WWOX: variants seen among roughly 807,000 people sequenced by gnomAD.
The protein encoded by WWOX is WW domain containing oxidoreductase.
WWOX carries 69 observed loss-of-function variants against 46.2 expected under a neutral mutation model. That is an observed-to-expected ratio of 1.49 (90% confidence interval 1.23 to 1.82). The LOEUF (loss-of-function observed/expected upper bound fraction) is 1.82, where lower values mean the gene tolerates loss of function less well. WWOX is among the 40% of genes most tolerant of loss of function. WWOX has a pLI of 0.00. For synonymous variants in WWOX, 359 were observed against 202.6 expected, an observed-to-expected ratio of 1.77 and a Z score of -6.56; for missense variants, 919 against 542.6, an observed-to-expected ratio of 1.69 and a Z score of -6.89.
At chr16:78,314,701 GTTTTTTTTTTTT>G (rs920575863) in intron 5 of WWOX, among the ~76,000 whole-genome samples, 2 of 61,312 alleles carry the variant, frequency 3.3e-5, no homozygotes, top group African/African-American at 1.5e-4. Flanking sequence ...TTTTTTTTTT[GTTTTTTTTTTTT>G]TTTTTTTTCT....
intron 8 of WWOX, among the ~76,000 whole-genome samples, chr16:78,640,631 C>G (rs932133860): frequency 6.6e-6 from 1 of 152,072 alleles, no homozygotes; most frequent in African/African-American, 2.4e-5. Context: ...TACCCTGGAA[C>G]TTAAAAGTTG....
intron 8 of WWOX, among the ~76,000 whole-genome samples, chr16:78,711,974 A>G (rs1292643508): frequency 6.6e-6 from 1 of 152,180 alleles, no homozygotes; most frequent in Non-Finnish European, 1.5e-5. Context: ...TGGACATTAA[A>G]TCTTCCATAA....
intron 8 of WWOX, among the ~76,000 whole-genome samples, chr16:78,589,206 T>A (rs1183696168): frequency 6.6e-6 from 1 of 152,174 alleles, no homozygotes; most frequent in Non-Finnish European, 1.5e-5. Flanking sequence ...TAGAGTTTCT[T>A]ATTGCGGTAA....
chr16:78,430,283 C>G (rs1178485233), intron 7 of WWOX, among the ~76,000 whole-genome samples: 2 of 152,144 alleles, frequency 1.3e-5, no homozygotes, highest in Non-Finnish European at 2.9e-5. Context: ...TGGCTCTGCC[C>G]TTGACACATG....
intron 5 of WWOX, among the ~76,000 whole-genome samples, chr16:78,349,224 T>C (rs1334371556): frequency 8.3e-6 from 1 of 119,962 alleles, no homozygotes; most frequent in Non-Finnish European, 2.0e-5. Context: ...TCAGATGTCC[T>C]CTTCTTTGAA....
At chr16:78,276,930 T>C (rs1026801942) in intron 5 of WWOX, among the ~76,000 whole-genome samples, 1 of 152,156 alleles carries the variant, frequency 6.6e-6, no homozygotes, top group African/African-American at 2.4e-5. Flanking sequence ...TGAGATTCCG[T>C]TGTGTGAAAA....
At chr16:78,831,589 T>C (rs1319900988) in intron 8 of WWOX, among the ~76,000 whole-genome samples, 2 of 152,192 alleles carry the variant, frequency 1.3e-5, no homozygotes, top group South Asian at 2.1e-4. Flanking sequence ...TGCATGATGA[T>C]TGGGTGCAAG....
chr16:78,700,890 A>C (rs1203773710), intron 8 of WWOX, among the ~76,000 whole-genome samples: 1 of 152,162 alleles, frequency 6.6e-6, no homozygotes, highest in Admixed American at 6.5e-5. Context: ...ACCAACCCAA[A>C]GGGCTATGGT....
At position 79,045,784 on chromosome 16, in the gene WWOX, T is replaced by C. The variant is rs113855040; in HGVS notation, c.1057-165824T>C. On this transcript the variant is annotated intron_variant, in intron 8 of 8. Coordinates refer to ENST00000566780, the MANE Select transcript of WWOX (RefSeq NM_016373.4). ...CGTCTTTCCTTTTTTCTTTTCCTTTTTTTTTTTTTTTTTTTTTTTTTTTTT... is the reference window on the plus strand; with the variant it reads ...CGTCTTTCCTTTTTTCTTTTCCTTTCTTTTTTTTTTTTTTTTTTTTTTTTT... Among the ~76,000 whole-genome samples the C allele has an allele frequency of 1.3e-3, 33 of 26,352 alleles. No homozygotes were observed. The African/African-American group carries it at 0.013, about 10-fold the overall frequency. The allele number at this position is 26,352 out of a possible 152,430, so 17.3% of individuals were successfully genotyped here.
intron 8 of WWOX, among the ~76,000 whole-genome samples, chr16:78,657,373 T>C (rs1190741267): frequency 6.6e-6 from 1 of 152,060 alleles, no homozygotes. Context: ...TTCTCCCCCA[T>C]CCTGTAAAGG....
chr16:78,760,862 C>G (rs1012437579), intron 8 of WWOX, among the ~76,000 whole-genome samples: 1 of 152,190 alleles, frequency 6.6e-6, no homozygotes, highest in East Asian at 1.9e-4. Context: ...TTCCCCATGT[C>G]TGGGGAGGCC....
chr16:78,266,601 C>T (rs1221114366), intron 5 of WWOX, among the ~76,000 whole-genome samples: 2 of 152,116 alleles, frequency 1.3e-5, no homozygotes, highest in East Asian at 3.9e-4. Context: ...GTGCTGACTA[C>T]CTGTAGGGAT....
intron 8 of WWOX, among the ~76,000 whole-genome samples, chr16:78,631,203 A>C (rs1032782972): frequency 1.3e-5 from 2 of 152,148 alleles, no homozygotes; most frequent in Non-Finnish European, 2.9e-5. Flanking sequence ...ATACTGAGGG[A>C]CAACTGTACA....
At chr16:78,921,965 A>T (rs2045389351) in intron 8 of WWOX, among the ~76,000 whole-genome samples, 1 of 152,220 alleles carries the variant, frequency 6.6e-6, no homozygotes, top group Non-Finnish European at 1.5e-5. Context: ...AATGGGGCAA[A>T]GTCCAAGACA....
intron 5 of WWOX, 51 bp from the exon 6 acceptor site, chr16:78,386,809 G>C (rs1163141129): frequency 1.3e-6 from 2 of 1,508,912 alleles, no homozygotes; most frequent in Non-Finnish European, 1.8e-6. Context: ...TTGATACCAT[G>C]AACTACACTT....
At chr16:78,105,013 C>T (rs1410446364) in intron 1 of WWOX, among the ~76,000 whole-genome samples, 2 of 152,216 alleles carry the variant, frequency 1.3e-5, no homozygotes, top group East Asian at 3.9e-4. Flanking sequence ...ACTCTCTCTG[C>T]TTCAGCTGGT....
At chr16:78,109,154 C>G (rs193158480) in intron 2 of WWOX, among the ~76,000 whole-genome samples, 13 of 152,184 alleles carry the variant, frequency 8.5e-5, no homozygotes, top group Non-Finnish European at 1.3e-4. Flanking sequence ...ACCATGACTT[C>G]TAGGTGATTC....
chr16:78,661,816 C>T (rs573631907), intron 8 of WWOX, among the ~76,000 whole-genome samples: 4 of 152,320 alleles, frequency 2.6e-5, no homozygotes, highest in South Asian at 4.1e-4. Flanking sequence ...GCCGGTGTAT[C>T]GCCTGAGTCC....
chr16:78,897,242 A>G (rs929027205), intron 8 of WWOX: 2 of 140,036 alleles, frequency 1.4e-5, no homozygotes, highest in African/African-American at 5.6e-5. Flanking sequence ...ACTGTCTTTA[A>G]AAAAAAAAAA....
Sources: gnomAD v4.1 joint callset for allele counts (sites outside exome capture counted in the v4.1 genomes callset) on GRCh38, gnomAD v4.1.1 for gene constraint, MANE v1.5 for transcripts, NCBI Gene and HGNC (gene_info 2026-07-23, HGNC 2026-07-21) for gene names.